Variants in MPZL1 observed in about 807,000 individuals in gnomAD.
MPZL1 encodes myelin protein zero-like protein 1.
In MPZL1, 16 loss-of-function variants were observed where a neutral mutation model predicts 29.3. The ratio of observed to expected loss-of-function variants is 0.55; its 90% CI spans 0.37 to 0.83. The LOEUF (loss-of-function observed/expected upper bound fraction) is 0.83. MPZL1 is among the 40% of genes least tolerant of loss of function. The probability of loss-of-function intolerance (pLI) is 0.00; values close to 1 mark genes in which losing one functional copy is unlikely to be tolerated. For missense variants in MPZL1, 279 were observed against 332.9 expected (o/e 0.84, Z 1.26); for synonymous variants, 143 against 132.0 (o/e 1.08, Z -0.57).
At chr1:167,732,135 A>G (rs549642326) in intron 1 of MPZL1, among the ~76,000 whole-genome samples, 2 of 152,342 alleles carry the variant, frequency 1.3e-5, no homozygotes, top group African/African-American at 2.4e-5. Flanking sequence ...TAGGTATTGT[A>G]TTAATTTTTT....
chr1:167,779,892 A>G (rs1661456189), intron 5 of MPZL1, among the ~76,000 whole-genome samples: 10 of 152,232 alleles, frequency 6.6e-5, no homozygotes, highest in Admixed American at 5.2e-4. Context: ...ATGCTACAAC[A>G]TGGAAAATGG....
At chr1:167,746,307 G>A (rs1442890643) in intron 1 of MPZL1, among the ~76,000 whole-genome samples, 1 of 152,014 alleles carries the variant, frequency 6.6e-6, no homozygotes, top group Non-Finnish European at 1.5e-5. Context: ...GCTCTGGGAT[G>A]AGATGAGAAT....
chr1:167,760,291 C>T (rs866453839), intron 1 of MPZL1, among the ~76,000 whole-genome samples: 29 of 152,288 alleles, frequency 1.9e-4, no homozygotes, highest in Middle Eastern at 3.4e-3. Flanking sequence ...CAAGCTCCGC[C>T]TCCCGGGTTC....
At chr1:167,731,848 A>G (rs1446406529) in intron 1 of MPZL1, among the ~76,000 whole-genome samples, 1 of 152,156 alleles carries the variant, frequency 6.6e-6, no homozygotes. Flanking sequence ...GCAAGACCCC[A>G]TCTCTACAAA....
intron 2 of MPZL1, among the ~76,000 whole-genome samples, chr1:167,769,220 CA>C (rs1290016418): frequency 4.6e-5 from 7 of 152,122 alleles, no homozygotes; most frequent in African/African-American, 1.7e-4. Context: ...CACGTTTTTG[CA>C]CACCTTGCTA....
intron 5 of MPZL1, among the ~76,000 whole-genome samples, chr1:167,779,726 A>G (rs995012492): frequency 1.3e-5 from 2 of 152,208 alleles, no homozygotes; most frequent in African/African-American, 4.8e-5. Context: ...AGGTCCTTAT[A>G]TTATCCATGA....
chr1:167,776,785 G>A (rs1197667489), intron 5 of MPZL1, among the ~76,000 whole-genome samples: 1 of 152,144 alleles, frequency 6.6e-6, no homozygotes, highest in African/African-American at 2.4e-5. Context: ...ACTGTGGCTT[G>A]GCAAAAATTC....
At chr1:167,740,636 A>G (rs898987106) in intron 1 of MPZL1, among the ~76,000 whole-genome samples, 3 of 152,106 alleles carry the variant, frequency 2.0e-5, no homozygotes, top group Non-Finnish European at 4.4e-5. Context: ...TTTCCTATGT[A>G]ATAGCATCTT....
intron 1 of MPZL1, among the ~76,000 whole-genome samples, chr1:167,722,513 G>T (rs75653497): frequency 0.18 from 26,674 of 151,392 alleles, 2,657 homozygotes; most frequent in South Asian, 0.24. Flanking sequence ...CTCCTTCCCG[G>T]GGGGCGGTCC....
At chr1:167,773,502 C>T (rs1270708579) in intron 4 of MPZL1, 134 bp downstream of exon 4, 5 of 1,080,488 alleles carry the variant, frequency 4.6e-6, no homozygotes, top group Non-Finnish European at 6.4e-6. Flanking sequence ...AGGCAGTCTC[C>T]TTAGGAGGTG....
At chr1:167,759,797 C>A (rs1660943226) in intron 1 of MPZL1, among the ~76,000 whole-genome samples, 1 of 152,154 alleles carries the variant, frequency 6.6e-6, no homozygotes, top group African/African-American at 2.4e-5. Flanking sequence ...ATAGCATTCT[C>A]TATCTGGGGT....
At chr1:167,750,023 T>C (rs1377760334) in intron 1 of MPZL1, among the ~76,000 whole-genome samples, 3 of 152,260 alleles carry the variant, frequency 2.0e-5, no homozygotes, top group African/African-American at 7.2e-5. Context: ...ATTATGTTCC[T>C]AATGTCCACA....
intron 1 of MPZL1, among the ~76,000 whole-genome samples, chr1:167,759,903 C>G (rs1660946596): frequency 1.3e-5 from 2 of 152,162 alleles, no homozygotes; most frequent in African/African-American, 4.8e-5. Flanking sequence ...CGAGAGGTAG[C>G]CAGGAGTTAG....
chr1:167,779,899 A>G (rs975231612), intron 5 of MPZL1, among the ~76,000 whole-genome samples: 2 of 152,232 alleles, frequency 1.3e-5, no homozygotes, highest in African/African-American at 4.8e-5. Flanking sequence ...AACATGGAAA[A>G]TGGTAAATGC....
At chr1:167,777,581 A>G (rs1361922737) in intron 5 of MPZL1, among the ~76,000 whole-genome samples, 1 of 149,672 alleles carries the variant, frequency 6.7e-6, no homozygotes, top group Non-Finnish European at 1.5e-5. Flanking sequence ...CCATAGAGAG[A>G]GCGTGCTAGG....
chr1:167,738,734 C>T (rs1044209706), intron 1 of MPZL1, among the ~76,000 whole-genome samples: 3 of 152,234 alleles, frequency 2.0e-5, no homozygotes, highest in African/African-American at 4.8e-5. Context: ...TGCTCCTGCT[C>T]TTGCCATGTA....
At chr1:167,738,578 G>A (rs1571139567) in intron 1 of MPZL1, among the ~76,000 whole-genome samples, 1 of 152,318 alleles carries the variant, frequency 6.6e-6, no homozygotes, top group Non-Finnish European at 1.5e-5. Context: ...GAACTGGTGG[G>A]AGGTGATTGG....
At chr1:167,772,159 T>C (rs1354312158) in intron 2 of MPZL1, 116 bp from the exon 3 acceptor site, 3 of 792,868 alleles carry the variant, frequency 3.8e-6, no homozygotes, top group East Asian at 2.7e-5. Flanking sequence ...GGGAGAGAGA[T>C]GTTGCATTTC....
At position 167,789,509 on chromosome 1, in the gene MPZL1, A is replaced by C. The variant is rs1236171440; in HGVS notation, c.*1588A>C. 6.6e-6 allele frequency: 1 copy of C among 152,244 alleles called. No individual in the cohort carries two copies. The highest frequency in any genetic ancestry group is 2.4e-5 in the African/African-American group (1 of 41,462). 9.4% of individuals were successfully genotyped at this position (152,244 alleles called of 1,614,324 possible). A position where few individuals can be genotyped will look rare whatever the true frequency, so the allele number is the denominator to read the frequency against. ...GGCTGAGTTCCAACAGAATTCACAA[A>C]GGGAATAAAACAGGATTGAGATTTT... On this transcript the variant is annotated 3_prime_UTR_variant, in exon 6 of 6. Transcript: ENST00000359523.
Sources: gnomAD v4.1 joint callset for allele counts (sites outside exome capture counted in the v4.1 genomes callset) on GRCh38, gnomAD v4.1.1 for gene constraint, MANE v1.5 for transcripts, NCBI Gene and HGNC (gene_info 2026-07-23, HGNC 2026-07-21) for gene names.